The following DGKI variants were observed in gnomAD, a reference collection of about 807,000 sequenced individuals.
The protein encoded by DGKI is diacylglycerol kinase iota.
In DGKI, 55 loss-of-function variants were observed where a neutral mutation model predicts 147.5. The ratio of observed to expected loss-of-function variants is 0.37; its 90% CI spans 0.30 to 0.47. DGKI has a LOEUF of 0.47. Ranked by LOEUF, DGKI falls within the 20% of genes least tolerant of loss-of-function variation. The pLI is 1.00. For synonymous variants in DGKI, 469 were observed against 477.1 expected (o/e 0.98, Z 0.22); for missense variants, 1,007 against 1,323.8 (o/e 0.76, Z 3.71).
intron 12 of DGKI, among the ~76,000 whole-genome samples, chr7:137,590,763 G>A (rs147527445): frequency 2.2e-3 from 328 of 152,294 alleles, no homozygotes; most frequent in Non-Finnish European, 4.1e-3. Flanking sequence ...TGCAATCTCA[G>A]CTCACTGAAG....
chr7:137,730,369 T>A (rs543815025), intron 1 of DGKI, among the ~76,000 whole-genome samples: 68 of 152,090 alleles, frequency 4.5e-4, no homozygotes, highest in Non-Finnish European at 8.7e-4. Context: ...CTCAATTCCT[T>A]CTTTCTCTCA....
intron 1 of DGKI, among the ~76,000 whole-genome samples, chr7:137,784,765 A>G (rs1796616161): frequency 6.6e-6 from 1 of 152,124 alleles, no homozygotes; most frequent in Non-Finnish European, 1.5e-5. Context: ...TAGAAATTAT[A>G]TCAAGTACCC....
At chr7:137,737,204 C>CAAAAAAAA (rs763572711) in intron 1 of DGKI, among the ~76,000 whole-genome samples, 1 of 83,494 alleles carries the variant, frequency 1.2e-5, no homozygotes, top group African/African-American at 3.9e-5. Flanking sequence ...CTCATTTCAC[C>CAAAAAAAA]AAAAAAAAAA....
At chr7:137,696,555 T>C (rs1823795593) in intron 1 of DGKI, among the ~76,000 whole-genome samples, 1 of 150,856 alleles carries the variant, frequency 6.6e-6, no homozygotes, top group African/African-American at 2.5e-5. Context: ...AGTGTAACTT[T>C]CCTAACCACA....
chr7:137,802,443 A>G (rs2116966641), intron 1 of DGKI, among the ~76,000 whole-genome samples: 1 of 152,280 alleles, frequency 6.6e-6, no homozygotes, highest in African/African-American at 2.4e-5. Flanking sequence ...TTACTACATC[A>G]TGTCCACTTA....
At chr7:137,817,979 C>A (rs1232911678) in intron 1 of DGKI, among the ~76,000 whole-genome samples, 1 of 152,174 alleles carries the variant, frequency 6.6e-6, no homozygotes, top group African/African-American at 2.4e-5. Flanking sequence ...TTTGAATATT[C>A]TTATTGGCTT....
intron 1 of DGKI, among the ~76,000 whole-genome samples, chr7:137,782,724 C>T (rs901081781): frequency 2.0e-5 from 3 of 152,192 alleles, no homozygotes; most frequent in Non-Finnish European, 4.4e-5. Context: ...ACCAAGGACC[C>T]TCACAGAGTC....
intron 1 of DGKI, among the ~76,000 whole-genome samples, chr7:137,790,182 T>C (rs1161264062): frequency 6.6e-6 from 1 of 151,922 alleles, no homozygotes; most frequent in Non-Finnish European, 1.5e-5. Context: ...GGCCATAGTT[T>C]GCCGACTCTT....
At chr7:137,586,806 G>A (rs974090163) in intron 13 of DGKI, among the ~76,000 whole-genome samples, 2 of 152,164 alleles carry the variant, frequency 1.3e-5, no homozygotes, top group Non-Finnish European at 2.9e-5. Context: ...ACGCAGACTT[G>A]AGGCCAAACT....
chr7:137,491,566 C>T (rs1469327104), intron 21 of DGKI, among the ~76,000 whole-genome samples: 1 of 152,190 alleles, frequency 6.6e-6, no homozygotes, highest in Admixed American at 6.5e-5. Flanking sequence ...GAAATATGTT[C>T]TATCTTCCTA....
chr7:137,629,054 C>T (rs963180943), intron 6 of DGKI, among the ~76,000 whole-genome samples: 3 of 152,064 alleles, frequency 2.0e-5, no homozygotes, highest in African/African-American at 7.2e-5. Flanking sequence ...AAACTTTAAA[C>T]AACAAAATAA....
At chr7:137,805,643 A>G (rs1421140817) in intron 1 of DGKI, among the ~76,000 whole-genome samples, 1 of 152,216 alleles carries the variant, frequency 6.6e-6, no homozygotes, top group Non-Finnish European at 1.5e-5. Context: ...TGCCATATGA[A>G]AGCTTTCCCG....
intron 20 of DGKI, among the ~76,000 whole-genome samples, chr7:137,542,174 A>T (rs974717535): frequency 1.1e-4 from 17 of 152,224 alleles, no homozygotes; most frequent in Admixed American, 2.0e-4. Flanking sequence ...GTAGAAATGC[A>T]AAATGGTGCG....
intron 19 of DGKI, among the ~76,000 whole-genome samples, chr7:137,557,261 A>T (rs187022261): frequency 2.5e-4 from 38 of 152,348 alleles, no homozygotes; most frequent in Non-Finnish European, 4.7e-4. Flanking sequence ...ATTTTGAAGG[A>T]TAAAGATCCA....
chr7:137,807,850 T>C (rs1797429521), intron 1 of DGKI, among the ~76,000 whole-genome samples: 1 of 152,112 alleles, frequency 6.6e-6, no homozygotes, highest in African/African-American at 2.4e-5. Flanking sequence ...GCCCAGACTC[T>C]CACCTGCCTG....
chr7:137,595,032 T>G (rs904716657), intron 12 of DGKI, among the ~76,000 whole-genome samples: 7 of 152,212 alleles, frequency 4.6e-5, no homozygotes, highest in Non-Finnish European at 1.0e-4. Context: ...GGCACCCAAG[T>G]GTAAATGACT....
At position 137,609,543 on chromosome 7, in the gene DGKI, C is replaced by G. The variant is rs1820296158; in HGVS notation, c.1060G>C (p.Gly354Arg). The G allele has an allele frequency of 1.2e-6, 2 of 1,611,828 alleles. No homozygotes were observed. The highest frequency in any genetic ancestry group is 8.5e-7 in the Non-Finnish European group (1 of 1,178,212). Reference sequence around the variant, plus strand: ...AACTCTGAAACACTTACTTCCATCCCTCTTTTACTGGCTTTTCTTTTAAAG... The same window carrying G: ...AACTCTGAAACACTTACTTCCATCCGTCTTTTACTGGCTTTTCTTTTAAAG... ...TSFKRKASKR[G>R]MEQENKGRPF... The change falls in exon 9 of 33, where the codon GGG becomes CGG. Residue 354 changes from glycine to arginine, a missense_variant. Physicochemically the swap from Gly to Arg is moderately radical, Grantham distance 125. Coordinates refer to ENST00000614521, the MANE Select transcript of DGKI (RefSeq NM_001321708.2).
At chr7:137,559,164 C>T (rs1818329387) in intron 19 of DGKI, among the ~76,000 whole-genome samples, 1 of 143,366 alleles carries the variant, frequency 7.0e-6, no homozygotes, top group Non-Finnish European at 1.5e-5. Flanking sequence ...CTCCGCCTCC[C>T]GGGTTCACGC....
At chr7:137,720,344 A>G (rs1242300276) in intron 1 of DGKI, among the ~76,000 whole-genome samples, 1 of 124,216 alleles carries the variant, frequency 8.1e-6, no homozygotes. Flanking sequence ...TGCAAGCTCC[A>G]CCTCCCGGGT....
Sources: gnomAD v4.1 joint callset for allele counts (sites outside exome capture counted in the v4.1 genomes callset) on GRCh38, gnomAD v4.1.1 for gene constraint, MANE v1.5 for transcripts, NCBI Gene and HGNC (gene_info 2026-07-23, HGNC 2026-07-21) for gene names.